Variants in TASP1 observed in about 807,000 individuals in gnomAD.
TASP1 encodes the protein threonine aspartase 1.
Under a neutral mutation model 56.6 loss-of-function variants are expected in TASP1, and 16 were observed. The observed-to-expected ratio is 0.28, with a 90% CI of 0.19 to 0.43. The LOEUF (loss-of-function observed/expected upper bound fraction) is 0.43, where lower values mean the gene tolerates loss of function less well. Ranked by LOEUF, TASP1 falls within the 20% of genes least tolerant of loss-of-function variation. The pLI is 1.00. For synonymous variants in TASP1, 179 were observed against 184.2 expected, an observed-to-expected ratio of 0.97 and a Z score of 0.23; for missense variants, 393 against 511.6, an observed-to-expected ratio of 0.77 and a Z score of 2.24.
intron 10 of TASP1, among the ~76,000 whole-genome samples, chr20:13,515,190 C>A (rs927641755): frequency 6.6e-6 from 1 of 152,108 alleles, no homozygotes; most frequent in African/African-American, 2.4e-5. Flanking sequence ...ATCACTTCTT[C>A]CAACACAATA....
chr20:13,503,853 A>T (rs1218720837), intron 10 of TASP1, among the ~76,000 whole-genome samples: 1 of 152,122 alleles, frequency 6.6e-6, no homozygotes, highest in Non-Finnish European at 1.5e-5. Flanking sequence ...AGCAGACTTG[A>T]TAAAGAATCA....
chr20:13,367,915 C>G, the TASP1 span, among the ~76,000 whole-genome samples: 1 of 152,150 alleles, frequency 6.6e-6, no homozygotes, highest in Non-Finnish European at 1.5e-5. Flanking sequence ...TACCCCGGAG[C>G]TATGAAAAAC....
the TASP1 span, chr20:13,221,765 C>A: frequency 2.1e-6 from 3 of 1,430,788 alleles, no homozygotes; most frequent in Admixed American, 2.7e-5. Context: ...TAAAGCCGCG[C>A]GTCTCAAAAG....
the TASP1 span, among the ~76,000 whole-genome samples, chr20:13,344,245 C>A: frequency 2.0e-5 from 3 of 151,942 alleles, no homozygotes; most frequent in Admixed American, 2.0e-4. Flanking sequence ...GTCTTAGGGA[C>A]GACCTCAAGA....
At chr20:13,227,282 C>T in the TASP1 span, among the ~76,000 whole-genome samples, 1 of 152,006 alleles carries the variant, frequency 6.6e-6, no homozygotes, top group African/African-American at 2.4e-5. Context: ...TGGCTCACTG[C>T]AAGCTCCACC....
intron 10 of TASP1, among the ~76,000 whole-genome samples, chr20:13,487,328 G>A (rs1217134522): frequency 6.6e-6 from 1 of 152,170 alleles, no homozygotes; most frequent in Non-Finnish European, 1.5e-5. Flanking sequence ...CTCCCCAACA[G>A]TGTCAGGCCC....
chr20:13,564,499 A>G (rs1224367388), intron 7 of TASP1, among the ~76,000 whole-genome samples: 1 of 152,108 alleles, frequency 6.6e-6, no homozygotes, highest in Non-Finnish European at 1.5e-5. Context: ...TTAAGATGTC[A>G]GTACTACTAA....
chr20:13,581,994 A>G (rs1265377544), intron 5 of TASP1, among the ~76,000 whole-genome samples: 1 of 152,168 alleles, frequency 6.6e-6, no homozygotes, highest in Non-Finnish European at 1.5e-5. Flanking sequence ...AATGATTAAT[A>G]CAAACAAATC....
the TASP1 span, among the ~76,000 whole-genome samples, chr20:13,356,781 C>T: frequency 6.6e-6 from 1 of 152,172 alleles, no homozygotes; most frequent in South Asian, 2.1e-4. Context: ...TCCATATCTG[C>T]CCTTGACCTC....
intron 13 of TASP1, among the ~76,000 whole-genome samples, chr20:13,394,700 T>A (rs2041456645): frequency 6.6e-6 from 1 of 152,118 alleles, no homozygotes; most frequent in Non-Finnish European, 1.5e-5. Context: ...AGAATAGAGA[T>A]GGAGCTTTAG....
the TASP1 span, among the ~76,000 whole-genome samples, chr20:13,126,219 C>T: frequency 2.0e-5 from 3 of 152,150 alleles, no homozygotes; most frequent in African/African-American, 7.2e-5. Flanking sequence ...ATGTAATATT[C>T]TCAAGGGCAA....
the TASP1 span, among the ~76,000 whole-genome samples, chr20:13,115,854 G>A: frequency 6.6e-6 from 1 of 152,110 alleles, no homozygotes; most frequent in Non-Finnish European, 1.5e-5. Flanking sequence ...CCATCATCCT[G>A]TTTGTATTGC....
intron 6 of TASP1, among the ~76,000 whole-genome samples, chr20:13,579,646 C>T (rs373725744): frequency 9.9e-5 from 15 of 152,208 alleles, no homozygotes; most frequent in Admixed American, 2.0e-4. Context: ...CCACCGCGCC[C>T]GGCTTTTCTC....
the TASP1 span, among the ~76,000 whole-genome samples, chr20:13,214,066 G>A: frequency 6.6e-6 from 1 of 152,104 alleles, no homozygotes; most frequent in African/African-American, 2.4e-5. Flanking sequence ...GAAAAGAGTC[G>A]CTGTAAAGAA....
At chr20:13,293,069 A>G in the TASP1 span, among the ~76,000 whole-genome samples, 2,885 of 152,038 alleles carry the variant, frequency 0.019, 97 homozygotes, top group African/African-American at 0.066. Flanking sequence ...GCATGGTGGC[A>G]GGCGCCTGTA....
chr20:13,277,403 C>T, the TASP1 span, among the ~76,000 whole-genome samples: 8,621 of 123,504 alleles, frequency 0.07, 327 homozygotes, highest in Admixed American at 0.11. Context: ...ACGATTGTTG[C>T]AGCTCAGTTC....
At chr20:13,510,435 C>T (rs2044286480) in intron 10 of TASP1, among the ~76,000 whole-genome samples, 1 of 152,064 alleles carries the variant, frequency 6.6e-6, no homozygotes, top group South Asian at 2.1e-4. Flanking sequence ...TATAAACAAA[C>T]TTTGTGGTGG....
chr20:13,182,432 A>G, the TASP1 span, among the ~76,000 whole-genome samples: 1 of 152,138 alleles, frequency 6.6e-6, no homozygotes, highest in African/African-American at 2.4e-5. Context: ...TTAGATGCAC[A>G]GTTGCAACTG....
rs1491015798 is a variant in TASP1 at position 13,581,000 on chromosome 20, AAT to A, written c.404-21_404-20del. The A allele has an allele frequency of 1.3e-6, 2 of 1,596,410 alleles. No homozygotes were observed. The highest frequency in any genetic ancestry group is 1.8e-5 in the Admixed American group (1 of 56,988). On this transcript the variant is annotated intron_variant, in intron 5 of 13. Coordinates refer to ENST00000337743, the MANE Select transcript of TASP1 (RefSeq NM_017714.3). ...TTGATTCCTATAAAAAAAAAAAAAAAATTGGCAAAAAAGATGTCAGAAATGTC... is the reference window on the plus strand; with the variant it reads ...TTGATTCCTATAAAAAAAAAAAAAAATGGCAAAAAAGATGTCAGAAATGTC...
Sources: gnomAD v4.1 joint callset for allele counts (sites outside exome capture counted in the v4.1 genomes callset) on GRCh38, gnomAD v4.1.1 for gene constraint, MANE v1.5 for transcripts, NCBI Gene and HGNC (gene_info 2026-07-23, HGNC 2026-07-21) for gene names.